SRGAP1: variants seen among roughly 807,000 people sequenced by gnomAD.
SRGAP1 encodes SLIT-ROBO Rho GTPase-activating protein 1.
In SRGAP1, 43 loss-of-function variants were observed where a neutral mutation model predicts 121.9. The ratio of observed to expected loss-of-function variants is 0.35; its 90% confidence interval spans 0.28 to 0.46. SRGAP1 has a LOEUF of 0.46. Among genes scored for constraint, SRGAP1 ranks in the 20% least tolerant of loss-of-function variants. SRGAP1 has a pLI of 1.00. For missense variants in SRGAP1, 1,102 were observed against 1,350.9 expected, an observed-to-expected ratio of 0.82 and a Z score of 2.89; for synonymous variants, 447 against 485.4, an observed-to-expected ratio of 0.92 and a Z score of 1.04.
chr12:64,030,374 C>T (rs1229093498), intron 4 of SRGAP1, among the ~76,000 whole-genome samples: 2 of 152,158 alleles, frequency 1.3e-5, no homozygotes, highest in Admixed American at 6.5e-5. Flanking sequence ...GAGCCTGCCT[C>T]CAATAACTGC....
intron 2 of SRGAP1, 94 bp from the exon 3 acceptor site, chr12:63,989,816 C>A: frequency 1.1e-6 from 1 of 878,888 alleles, no homozygotes; most frequent in Non-Finnish European, 1.8e-6. Flanking sequence ...CAGTATCCAT[C>A]TGTTGTGGTT....
At chr12:63,845,818 T>C (rs554621529) in intron 1 of SRGAP1, among the ~76,000 whole-genome samples, 2 of 152,202 alleles carry the variant, frequency 1.3e-5, no homozygotes, top group South Asian at 4.1e-4. Context: ...GGACCGCCAC[T>C]GTTCTTTGAC....
chr12:63,945,353 T>C (rs899752168), intron 1 of SRGAP1, among the ~76,000 whole-genome samples: 7 of 151,894 alleles, frequency 4.6e-5, no homozygotes, highest in Non-Finnish European at 2.9e-5. Context: ...GCCATAATGG[T>C]TTGCTGCACC....
intron 1 of SRGAP1, among the ~76,000 whole-genome samples, chr12:63,854,377 GT>G (rs1395171731): frequency 1.3e-5 from 2 of 152,102 alleles, no homozygotes; most frequent in Admixed American, 1.3e-4. Flanking sequence ...GAATAGTAGT[GT>G]TTTGGCATGT....
intron 1 of SRGAP1, among the ~76,000 whole-genome samples, chr12:63,954,246 A>C (rs2032386007): frequency 6.6e-6 from 1 of 152,250 alleles, no homozygotes; most frequent in African/African-American, 2.4e-5. Flanking sequence ...CAAAAGATTA[A>C]GATCACAGAA....
intron 1 of SRGAP1, among the ~76,000 whole-genome samples, chr12:63,922,664 G>A (rs1019944205): frequency 7.9e-5 from 12 of 152,202 alleles, no homozygotes; most frequent in Admixed American, 2.0e-4. Flanking sequence ...TCATGTTAGA[G>A]CAAGTGCTCC....
At chr12:64,064,004 T>A (rs2035495334) in intron 7 of SRGAP1, among the ~76,000 whole-genome samples, 1 of 152,022 alleles carries the variant, frequency 6.6e-6, no homozygotes, top group South Asian at 2.1e-4. Flanking sequence ...TTTATGTGTG[T>A]TTGATAGAAA....
chr12:63,992,660 TACACACACAC>T (rs59798383), intron 3 of SRGAP1, among the ~76,000 whole-genome samples: 11,261 of 138,316 alleles, frequency 0.081, 510 homozygotes, highest in Non-Finnish European at 0.11. Flanking sequence ...GCACAGTAAA[TACACACACAC>T]ACACACACAC....
intron 1 of SRGAP1, among the ~76,000 whole-genome samples, chr12:63,960,591 C>G (rs947896804): frequency 6.6e-6 from 1 of 152,120 alleles, no homozygotes; most frequent in Non-Finnish European, 1.5e-5. Context: ...TAATGGCTCC[C>G]CCAAAGATGT....
intron 12 of SRGAP1, among the ~76,000 whole-genome samples, chr12:64,093,919 C>CT (rs2036103156): frequency 6.6e-6 from 1 of 152,062 alleles, no homozygotes; most frequent in Non-Finnish European, 1.5e-5. Context: ...ATCCTTCCCC[C>CT]ACTGCTTAAT....
chr12:63,949,183 A>G (rs1471349117), intron 1 of SRGAP1, among the ~76,000 whole-genome samples: 1 of 105,246 alleles, frequency 9.5e-6, no homozygotes, highest in Non-Finnish European at 1.9e-5. Context: ...TTTTCCATAT[A>G]TATTTTTTTT....
At chr12:64,015,786 TAGTCC>T (rs1408232486) in intron 3 of SRGAP1, among the ~76,000 whole-genome samples, 5 of 152,322 alleles carry the variant, frequency 3.3e-5, no homozygotes, top group African/African-American at 1.2e-4. Flanking sequence ...CTAACACTGA[TAGTCC>T]AGTGAGAGGT....
At chr12:64,049,062 CAAG>C (rs2035187941) in intron 6 of SRGAP1, among the ~76,000 whole-genome samples, 1 of 152,152 alleles carries the variant, frequency 6.6e-6, no homozygotes, top group African/African-American at 2.4e-5. Context: ...GGGTGTTACT[CAAG>C]AAGTCTTTGC....
At chr12:63,990,936 A>T (rs939631735) in intron 3 of SRGAP1, among the ~76,000 whole-genome samples, 1 of 152,180 alleles carries the variant, frequency 6.6e-6, no homozygotes, top group African/African-American at 2.4e-5. Context: ...CATCCCTTAC[A>T]CACCAGCGAG....
At chr12:64,033,642 C>T (rs1041248523) in intron 4 of SRGAP1, among the ~76,000 whole-genome samples, 3 of 152,008 alleles carry the variant, frequency 2.0e-5, no homozygotes, top group South Asian at 2.1e-4. Flanking sequence ...CGTTTGAACC[C>T]GGGAGGCGGA....
chr12:64,118,461 C>T lies in SRGAP1; in HGVS notation c.2224+2568C>T, dbSNP rs1170112305. On this transcript the variant is annotated intron_variant, in intron 18 of 21. Transcript: ENST00000355086. ...ATTTTTTGTAGAGATGGGCTTTTGC[C>T]GTGTTCCCCAGGCTGGTCTTGAACT... is the stretch of plus-strand genomic sequence containing the variant. 4.6e-5 allele frequency among the ~76,000 whole-genome samples: 7 copies of T among 152,086 alleles called. No individual in the cohort carries two copies. In the East Asian group the frequency reaches 5.8e-4, roughly 13 times the overall value.
intron 1 of SRGAP1, among the ~76,000 whole-genome samples, chr12:63,900,204 C>CTTTTTTTTCTTTTTTTTTTT (rs755464707): frequency 1.7e-4 from 15 of 87,516 alleles, no homozygotes; most frequent in Non-Finnish European, 2.1e-4. Context: ...TTTTCTTTTT[C>CTTTTTTTTCTTTTTTTTTTT]TTTTTTTTTT....
Position 64,091,326 on chromosome 12 carries a change from G to C in SRGAP1, c.1487G>C (p.Arg496Pro), listed in dbSNP as rs149964620. Reference sequence around the variant, plus strand: ...CAGAAACACAGGAAGTCCAGGCCCCGCTCACAGTATAATACTAAGTTGTTT... The same window carrying C: ...CAGAAACACAGGAAGTCCAGGCCCCCCTCACAGTATAATACTAAGTTGTTT... ...KPQKHRKSRP[R>P]SQYNTKLFNG... The change falls in exon 12 of 22, where the codon CGC (arginine) becomes CCC (proline). Residue 496 changes from arginine to proline, a missense_variant. Arg to Pro is a moderately radical substitution (Grantham distance 103). Transcript: ENST00000355086. The C allele has an allele frequency of 1.9e-6, 3 of 1,610,742 alleles. No homozygotes were observed. The highest frequency in any genetic ancestry group is 2.5e-6 in the Non-Finnish European group (3 of 1,178,064).
At chr12:63,967,354 A>G (rs1376484245) in intron 1 of SRGAP1, among the ~76,000 whole-genome samples, 1 of 152,178 alleles carries the variant, frequency 6.6e-6, no homozygotes, top group East Asian at 1.9e-4. Flanking sequence ...AAGAGGGAGG[A>G]TGGCTTGAGC....
Sources: gnomAD v4.1 joint callset for allele counts (sites outside exome capture counted in the v4.1 genomes callset) on GRCh38, gnomAD v4.1.1 for gene constraint, MANE v1.5 for transcripts, NCBI Gene and HGNC (gene_info 2026-07-23, HGNC 2026-07-21) for gene names.